HLTF: variants seen among roughly 807,000 people sequenced by gnomAD.
HLTF encodes the protein helicase like transcription factor, also known as DNA-dependent ATPase/E3 ubiquitin-protein ligase HLTF.
A neutral mutation model predicts 129.4 loss-of-function variants in HLTF; 127 were observed. That is an observed-to-expected ratio of 0.98 (90% confidence interval 0.85 to 1.14). HLTF has a LOEUF of 1.14. Ranked by LOEUF, HLTF falls within the 50% of genes most tolerant of loss-of-function variation. The pLI is 0.00. For synonymous variants in HLTF, 332 were observed against 388.8 expected, an observed-to-expected ratio of 0.85 and a Z score of 1.72; for missense variants, 1,139 against 1,187.1, an observed-to-expected ratio of 0.96 and a Z score of 0.60.
At chr3:149,040,407 C>A in intron 20 of HLTF, 3 of 332,386 alleles carry the variant, frequency 9.0e-6, no homozygotes, top group South Asian at 5.0e-5. Flanking sequence ...GAGCAAGAAA[C>A]CAAAAATTAT....
chr3:149,048,791 G>A (rs544406146), intron 16 of HLTF, 72 bp downstream of exon 16: 5 of 1,199,478 alleles, frequency 4.2e-6, no homozygotes, highest in East Asian at 2.4e-5. Flanking sequence ...AGTTTACAAA[G>A]TTACTTTACT....
At chr3:149,069,114 G>A (rs564872912) in intron 7 of HLTF, among the ~76,000 whole-genome samples, 1 of 152,050 alleles carries the variant, frequency 6.6e-6, no homozygotes, top group Admixed American at 6.6e-5. Context: ...TGGCACTAAG[G>A]TATATTAGTA....
intron 24 of HLTF, among the ~76,000 whole-genome samples, chr3:149,034,011 T>G (rs1715356019): frequency 6.6e-6 from 1 of 152,152 alleles, no homozygotes; most frequent in African/African-American, 2.4e-5. Context: ...CTTTATACTA[T>G]AAAACTATTT....
intron 24 of HLTF, among the ~76,000 whole-genome samples, 177 bp downstream of exon 24, chr3:149,034,741 G>A (rs1218291487): frequency 6.6e-6 from 1 of 152,072 alleles, no homozygotes. Context: ...ATAAATGTAG[G>A]TGCAGAGAAA....
intron 14 of HLTF, among the ~76,000 whole-genome samples, chr3:149,053,879 T>C (rs1717198170): frequency 6.6e-6 from 1 of 152,134 alleles, no homozygotes; most frequent in Admixed American, 6.5e-5. Flanking sequence ...AAAACTGCCA[T>C]TCAAGTACCC....
At chr3:149,063,602 G>T in intron 9 of HLTF, 78 bp from the exon 10 acceptor site, 10 of 767,688 alleles carry the variant, frequency 1.3e-5, no homozygotes, top group East Asian at 5.3e-5. Context: ...TAAAACCTTG[G>T]TTTTCTAATT....
chr3:149,039,765 TA>T, intron 21 of HLTF, 72 bp from the exon 22 acceptor site: 1 of 821,386 alleles, frequency 1.2e-6, no homozygotes, highest in South Asian at 2.1e-5. Flanking sequence ...GTTTTTATCA[TA>T]AAGAAAAGGT....
rs761384636 is a variant in HLTF, at chr3:149,084,713, T to C, written c.197A>G (p.His66Arg). Residue 66 changes from histidine to arginine, a missense_variant, in exon 2 of 25, where the codon CAT (histidine) becomes CGT (arginine). Coordinates refer to ENST00000310053, the MANE Select transcript of HLTF (RefSeq NM_003071.4). ...CGTGTAATAGCGTAGTCCAACCACA[T>C]GACCTCTCAAACTTCCAAATAAAAC... ...DSVLFGSLRG[H>R]VVGLRYYTGV... is the part of the protein sequence containing the mutation. The C allele has an allele frequency of 6.2e-7, 1 of 1,613,944 alleles. No homozygotes were observed. The highest frequency in any genetic ancestry group is 8.5e-7 in the Non-Finnish European group (1 of 1,179,832).
Position 149,039,210 on chromosome 3 carries a change from T to G in HLTF, c.2635A>C (p.Thr879Pro), listed in dbSNP as rs759872382. 3 of 1,578,100 alleles carry G rather than the reference T, an allele frequency of 1.9e-6. No homozygotes were observed. The highest frequency in any genetic ancestry group is 2.6e-6 in the Non-Finnish European group (3 of 1,163,262). The change falls in exon 23 of 25, where the codon ACT becomes CCT. Residue 879 changes from threonine (T) to proline (P), a missense_variant. Transcript: ENST00000310053. ...IPLKASGFVF[T>P]RLDGSMAQKK... Reference sequence around the variant, plus strand: ...TGGGCCATGGAACCATCCAAACGAGTAAACACAAATCCAGAGGCTCTAAAG... The same window carrying G: ...TGGGCCATGGAACCATCCAAACGAGGAAACACAAATCCAGAGGCTCTAAAG...
chr3:149,059,395 C>T lies in HLTF; in HGVS notation c.1375+323G>A, dbSNP rs79303177. ...TAATACCAAAAAATTAAACCTTTAA[C>T]TTAAATTAACCAAAATTAAATTAAG... On this transcript the variant is annotated intron_variant, in intron 13 of 24. Coordinates refer to ENST00000310053, the MANE Select transcript of HLTF (RefSeq NM_003071.4). The T allele has an allele frequency of 7.5e-3, 3,215 of 430,270 alleles. 97 individuals are homozygous for T. The highest frequency in any genetic ancestry group is 0.061 in the African/African-American group (2,934 of 48,426). The allele number at this position is 430,270 out of a possible 1,614,324, so 26.7% of individuals were successfully genotyped here. A position where few individuals can be genotyped will look rare whatever the true frequency, so the allele number is the denominator to read the frequency against.
chr3:149,036,143 A>C (rs1396546737), intron 23 of HLTF, among the ~76,000 whole-genome samples: 13 of 151,806 alleles, frequency 8.6e-5, no homozygotes, highest in Admixed American at 6.5e-5. Context: ...TCAAAAAAAA[A>C]CAAAAAACAA....
chr3:149,055,278 A>C (rs1295174216), intron 14 of HLTF, 25 bp downstream of exon 14: 1 of 1,505,148 alleles, frequency 6.6e-7, no homozygotes, highest in South Asian at 1.1e-5. Context: ...ATTATGTTAC[A>C]TTTTTAAAGG....
rs190924119 is a variant in HLTF at position 149,051,511 on chromosome 3, G to T, written c.1474-1136C>A. On this transcript the variant is annotated intron_variant, in intron 14 of 24. Coordinates refer to ENST00000310053, the MANE Select transcript of HLTF (RefSeq NM_003071.4). ...GACAGAGTCTACAGAATACCGGTAT[G>T]TAAGGAGAAGACTTGTTTTTATTGG... Among the ~76,000 whole-genome samples the T allele has an allele frequency of 4.6e-4, 70 of 152,324 alleles. 1 individual carries two copies. In the East Asian group the frequency reaches 8.3e-3, roughly 18 times the overall value.
In HLTF at chr3:149,068,305, G is replaced by T. The variant is rs1309499121; in HGVS notation, c.925C>A (p.Leu309Ile). The change falls in exon 8 of 25, where the codon CTT becomes ATT. Residue 309 changes from leucine (L) to isoleucine (I), a missense_variant. Coordinates refer to ENST00000310053, the MANE Select transcript of HLTF (RefSeq NM_003071.4). ...GGTCTGCCATCATGGAAGTTGGTAA[G>T]GATTACTGCAATGGCCGTAAGAGTT... ...GKTLTAIAVILTNFHDGRPLP... is the reference protein window; with the variant it reads ...GKTLTAIAVIITNFHDGRPLP... 1.9e-6 allele frequency: 3 copies of T among 1,562,678 alleles called. No homozygotes were observed. The highest frequency in any genetic ancestry group is 1.8e-6 in the Non-Finnish European group (2 of 1,138,742).
At chr3:149,059,482 G>A in intron 13 of HLTF, 1 of 496,518 alleles carries the variant, frequency 2.0e-6, no homozygotes, top group Non-Finnish European at 3.6e-6. Flanking sequence ...GCTATTCAGA[G>A]GAGTAAGGGC....
At chr3:149,078,868 A>T (rs1464997985) in intron 2 of HLTF, among the ~76,000 whole-genome samples, 2 of 152,178 alleles carry the variant, frequency 1.3e-5, no homozygotes, top group African/African-American at 4.8e-5. Flanking sequence ...AAAAAAAAAA[A>T]AAATAAGTTC....
intron 2 of HLTF, among the ~76,000 whole-genome samples, chr3:149,076,914 T>C (rs543947752): frequency 6.6e-6 from 1 of 152,222 alleles, no homozygotes; most frequent in East Asian, 1.9e-4. Context: ...AATAAACAGC[T>C]GAATATCAGT....
At chr3:149,064,508 C>A (rs1305746421) in intron 9 of HLTF, among the ~76,000 whole-genome samples, 1 of 152,130 alleles carries the variant, frequency 6.6e-6, no homozygotes, top group Non-Finnish European at 1.5e-5. Flanking sequence ...AAAACATGCT[C>A]TTTTTAAAGT....
At chr3:149,037,098 T>C (rs1042117018) in intron 23 of HLTF, among the ~76,000 whole-genome samples, 8 of 152,110 alleles carry the variant, frequency 5.3e-5, no homozygotes, top group Non-Finnish European at 8.8e-5. Context: ...CAATCTATAG[T>C]TACAAATATT....
Sources: allele counts gnomAD v4.1 joint callset (sites outside exome capture counted in the v4.1 genomes callset), GRCh38; gene constraint gnomAD v4.1.1; transcripts MANE v1.5; gene names NCBI Gene and HGNC (gene_info 2026-07-23, HGNC 2026-07-21).